HEXA: variants seen among roughly 807,000 people sequenced by gnomAD.
The protein encoded by HEXA is beta-hexosaminidase subunit alpha.
A neutral mutation model predicts 73.3 loss-of-function variants in HEXA; 54 were observed. The observed-to-expected ratio is 0.74, with a 90% CI of 0.59 to 0.92. The LOEUF is 0.92. Ranked by LOEUF, HEXA falls within the 40% of genes least tolerant of loss-of-function variation. The pLI is 0.00. For synonymous variants in HEXA, 230 were observed against 246.9 expected (o/e 0.93, Z 0.64); for missense variants, 649 against 653.0 (o/e 0.99, Z 0.07).
chr15:72,360,833 A>C (rs1325945014), intron 1 of HEXA, among the ~76,000 whole-genome samples: 1 of 152,212 alleles, frequency 6.6e-6, no homozygotes, highest in Non-Finnish European at 1.5e-5. Flanking sequence ...TAAAATAGGG[A>C]TCATAATACC....
Position 72,375,659 on chromosome 15 carries a change from G to A in HEXA, c.253+61C>T, listed in dbSNP as rs1000493513. ...ATAGGGCGTCTCTGGAGCCCTGGGG[G>A]AACTGTCCCCAGGCAGGCACTCTCA... On this transcript the variant is annotated intron_variant, in intron 1 of 13. Transcript: ENST00000268097. 1.9e-6 allele frequency: 3 copies of A among 1,595,782 alleles called. No individual in the cohort carries two copies. The Admixed American group carries it at 5.0e-5, about 27-fold the overall frequency.
chr15:72,373,185 A>C (rs1021862387), intron 1 of HEXA, among the ~76,000 whole-genome samples: 4 of 152,170 alleles, frequency 2.6e-5, no homozygotes, highest in Admixed American at 1.3e-4. Context: ...GCCTACAAAT[A>C]AGTTGTTTGG....
intron 1 of HEXA, chr15:72,370,822 C>G: frequency 2.6e-6 from 1 of 392,002 alleles, no homozygotes; most frequent in South Asian, 1.4e-4. Context: ...TTATTTTGCC[C>G]TTCAACTAAA....
At position 72,374,853 on chromosome 15, in the gene HEXA, C is replaced by T. The variant is rs550072661; in HGVS notation, c.253+867G>A. Among the ~76,000 whole-genome samples, 53 of 152,164 alleles carry T rather than the reference C, an allele frequency of 3.5e-4. 1 individual carries two copies. In the South Asian group the frequency reaches 0.011, roughly 31 times the overall value. On this transcript the variant is annotated intron_variant, in intron 1 of 13. Coordinates refer to ENST00000268097, the MANE Select transcript of HEXA (RefSeq NM_000520.6). The stretch of plus-strand genomic sequence containing the variant: ...AACCCCACATTTTCCCCACCCTCAT[C>T]CCTCCTCAATCCCCAGCCCCCACTC...
intron 2 of HEXA, chr15:72,355,899 G>A (rs1228735932): frequency 1.8e-6 from 1 of 545,460 alleles, no homozygotes; most frequent in Admixed American, 2.2e-5. Context: ...TCTGTACAAA[G>A]CACCACCTAC....
intron 1 of HEXA, chr15:72,356,844 G>T: frequency 1.5e-6 from 1 of 646,182 alleles, no homozygotes; most frequent in Non-Finnish European, 2.8e-6. Context: ...TGAATGCTCT[G>T]GGTGACAGCT....
chr15:72,363,979 A>G (rs1228985406), intron 1 of HEXA, among the ~76,000 whole-genome samples: 4 of 152,190 alleles, frequency 2.6e-5, no homozygotes, highest in African/African-American at 9.6e-5. Flanking sequence ...GGCCCAGGCT[A>G]GGTGGCTCAT....
chr15:72,353,314 G>T, intron 4 of HEXA, 136 bp from the exon 5 acceptor site: 1 of 705,796 alleles, frequency 1.4e-6, no homozygotes, highest in South Asian at 1.5e-5. Context: ...CTCCCTAAAT[G>T]CTCCCCACCT....
intron 1 of HEXA, among the ~76,000 whole-genome samples, chr15:72,374,445 T>C (rs2089032275): frequency 6.6e-6 from 1 of 152,226 alleles, no homozygotes; most frequent in African/African-American, 2.4e-5. Context: ...AAATCAAATG[T>C]CACTCTCTAA....
chr15:72,346,644 C>T lies in HEXA; in HGVS notation c.1213G>A (p.Glu405Lys). 6.2e-7 allele frequency: 1 copy of T among 1,614,094 alleles called. No homozygotes were observed. The highest frequency in any genetic ancestry group is 8.5e-7 in the Non-Finnish European group (1 of 1,179,996). Residue 405 changes from glutamate (E) to lysine (K), a missense_variant, in exon 11 of 14, where the codon GAA becomes AAA. Transcript: ENST00000268097. ...DIPVNYMKEL[E>K]LVTKAGFRAL... ...CGGAAGCCGGCCTTGGTGACCAGTTCCAGCTCCTTCATATAGTTCACTGGA... is the reference window on the plus strand; with the variant it reads ...CGGAAGCCGGCCTTGGTGACCAGTTTCAGCTCCTTCATATAGTTCACTGGA...
intron 1 of HEXA, 79 bp downstream of exon 1, chr15:72,375,641 G>T: frequency 6.5e-7 from 1 of 1,537,956 alleles, no homozygotes; most frequent in Non-Finnish European, 8.9e-7. Context: ...CCCATAGGGC[G>T]TCTCTGGAGC....
intron 3 of HEXA, chr15:72,354,212 TG>T: frequency 5.8e-6 from 1 of 172,028 alleles, no homozygotes; most frequent in African/African-American, 2.4e-5. Context: ...CCAAGGAGCC[TG>T]GGTTCATGGC....
chr15:72,360,008 C>A, intron 1 of HEXA: 1 of 152,554 alleles, frequency 6.6e-6, no homozygotes. Flanking sequence ...CCCTCCATTT[C>A]CCTTCTGTTC....
intron 1 of HEXA, among the ~76,000 whole-genome samples, chr15:72,371,186 T>C (rs1261465949): frequency 2.6e-5 from 4 of 152,086 alleles, no homozygotes; most frequent in Non-Finnish European, 5.9e-5. Flanking sequence ...CACTGCATGC[T>C]GAGTTAAGAG....
At chr15:72,368,450 G>C (rs143199650) in intron 1 of HEXA, among the ~76,000 whole-genome samples, 1 of 152,276 alleles carries the variant, frequency 6.6e-6, no homozygotes, top group African/African-American at 2.4e-5. Context: ...CTCAAAGATT[G>C]GGATAACACT....
At chr15:72,349,740 T>A (rs567876565) in intron 7 of HEXA, among the ~76,000 whole-genome samples, 1 of 152,132 alleles carries the variant, frequency 6.6e-6, no homozygotes, top group Non-Finnish European at 1.5e-5. Context: ...TCACAAGATA[T>A]CTTCAGGGTT....
intron 4 of HEXA, among the ~76,000 whole-genome samples, chr15:72,353,474 A>G (rs1441397526): frequency 6.6e-6 from 1 of 152,224 alleles, no homozygotes; most frequent in Non-Finnish European, 1.5e-5. Context: ...CCTCAAGGTC[A>G]TTACTAAATG....
intron 1 of HEXA, chr15:72,358,009 T>G (rs2088807954): frequency 6.6e-6 from 1 of 152,050 alleles, no homozygotes. Flanking sequence ...ACTACATTGT[T>G]ACAACACAAA....
rs535095877 is a variant in HEXA, at chr15:72,346,586, C to T, written c.1271G>A (p.Arg424His). Reference protein sequence around the residue: ...ALLSAPWYLNRISYGPDWKDF... With the variant: ...ALLSAPWYLNHISYGPDWKDF... Reference sequence around the variant, plus strand: ...CTTCCAGTCAGGGCCATAGGATATACGGTTCAGGTACCAGGGGGCAGAGAG... The same window carrying T: ...CTTCCAGTCAGGGCCATAGGATATATGGTTCAGGTACCAGGGGGCAGAGAG... Residue 424 changes from arginine (R) to histidine (H), a missense_variant, in exon 11 of 14, where the codon CGT becomes CAT. Arg to His is a conservative substitution (Grantham distance 29). Transcript: ENST00000268097. 18 of 1,613,848 alleles carry T rather than the reference C, an allele frequency of 1.1e-5. No homozygotes were observed. The highest frequency in any genetic ancestry group is 1.7e-4 in the Middle Eastern group (1 of 6,032).
Sources: allele counts gnomAD v4.1 joint callset (sites outside exome capture counted in the v4.1 genomes callset), GRCh38; gene constraint gnomAD v4.1.1; transcripts MANE v1.5; gene names NCBI Gene and HGNC (gene_info 2026-07-23, HGNC 2026-07-21).